PRSS3: variants seen among roughly 807,000 people sequenced by gnomAD.
The protein encoded by PRSS3 is serine protease 3, also known as trypsin-3.
PRSS3 carries 14 observed loss-of-function variants against 20.8 expected under a neutral mutation model. That is an observed-to-expected ratio of 0.67 (90% CI 0.44 to 1.05). The LOEUF is 1.05. PRSS3 is among the 50% of genes least tolerant of loss of function. PRSS3 has a pLI of 0.00. For missense variants in PRSS3, 237 were observed against 306.4 expected (o/e 0.77, Z 1.69); for synonymous variants, 91 against 117.6 (o/e 0.77, Z 1.46).
intron 1 of PRSS3, among the ~76,000 whole-genome samples, chr9:33,778,126 T>A (rs1315441480): frequency 6.6e-6 from 1 of 152,012 alleles, no homozygotes; most frequent in African/African-American, 2.4e-5. Context: ...ATAGAAAAAA[T>A]TTGGTAAAAT....
chr9:33,769,714 G>A (rs1823598527), intron 1 of PRSS3, among the ~76,000 whole-genome samples: 1 of 152,212 alleles, frequency 6.6e-6, no homozygotes, highest in African/African-American at 2.4e-5. Flanking sequence ...CAGGACTGGT[G>A]CCATTTCCTT....
chr9:33,789,951 A>G (rs1198453938), intron 1 of PRSS3, among the ~76,000 whole-genome samples: 1 of 152,216 alleles, frequency 6.6e-6, no homozygotes, highest in South Asian at 2.1e-4. Flanking sequence ...GTGAGTTTTT[A>G]AATGTAGGGT....
chr9:33,750,733 A>AC lies in PRSS3; in HGVS notation c.-53+7dup. 1 of 1,431,472 alleles carries AC rather than the reference A, an allele frequency of 7.0e-7. No homozygotes were observed. The highest frequency in any genetic ancestry group is 9.1e-7 in the Non-Finnish European group (1 of 1,097,234). The allele number at this position is 1,431,472 out of a possible 1,614,324, so 88.7% of individuals were successfully genotyped here. A position where few individuals can be genotyped will look rare whatever the true frequency, so the allele number is the denominator to read the frequency against. On this transcript the variant is annotated splice_region_variant and intron_variant, in intron 1 of 5. Transcript: ENST00000342836. This position sits in a 1 kb window ranked among gnomAD's most constrained non-coding sequence, Gnocchi z 4.8. ...CTGCGAGGCGCTGGGCACAGGTCAG[A>AC]CGTCAGTACCCGCAGGGGGCTTGAA...
upstream of PRSS3, among the ~76,000 whole-genome samples, chr9:33,791,292 A>G (rs1171155276): frequency 7.2e-5 from 11 of 152,172 alleles, no homozygotes; most frequent in Admixed American, 1.3e-4. Context: ...AAGGTTCTCA[A>G]TTGGAATTGT....
At chr9:33,798,791 A>G in intron 4 of PRSS3, 169 bp downstream of exon 4, 1 of 1,199,796 alleles carries the variant, frequency 8.3e-7, no homozygotes, top group Non-Finnish European at 1.2e-6. Flanking sequence ...GCCCCCATGG[A>G]GAAACGAGGA....
chr9:33,759,322 C>T (rs1470081299), intron 1 of PRSS3, among the ~76,000 whole-genome samples: 1 of 151,810 alleles, frequency 6.6e-6, no homozygotes, highest in Admixed American at 6.6e-5. Flanking sequence ...TGACTGGCTG[C>T]GGGGTGGAAG....
At chr9:33,787,901 C>G (rs1033471706) in intron 1 of PRSS3, among the ~76,000 whole-genome samples, 34 of 152,178 alleles carry the variant, frequency 2.2e-4, no homozygotes, top group African/African-American at 8.0e-4. Context: ...TACACACAGG[C>G]AGCAAGGGAA....
intron 1 of PRSS3, among the ~76,000 whole-genome samples, chr9:33,758,481 G>A (rs1823049622): frequency 6.6e-6 from 1 of 152,122 alleles, no homozygotes; most frequent in Non-Finnish European, 1.5e-5. Flanking sequence ...AAACTCCCAG[G>A]GACCTGGAGA....
At chr9:33,784,619 G>C (rs1824310530) in intron 1 of PRSS3, among the ~76,000 whole-genome samples, 1 of 152,150 alleles carries the variant, frequency 6.6e-6, no homozygotes, top group Non-Finnish European at 1.5e-5. Flanking sequence ...CCTTTAATGT[G>C]GTAGTACTAA....
intron 1 of PRSS3, chr9:33,786,426 T>TG (rs36090508): frequency 1.5e-6 from 1 of 683,258 alleles, no homozygotes; most frequent in Non-Finnish European, 2.6e-6. Context: ...GGCAGTGCCC[T>TG]GGGGTCCTTT....
At chr9:33,757,192 C>T (rs1446403215) in intron 1 of PRSS3, among the ~76,000 whole-genome samples, 2 of 149,708 alleles carry the variant, frequency 1.3e-5, no homozygotes, top group African/African-American at 4.8e-5. Context: ...GGAAATGTGT[C>T]CTTGACTCTG....
chr9:33,769,375 C>T (rs993836041), intron 1 of PRSS3, among the ~76,000 whole-genome samples: 9 of 152,138 alleles, frequency 5.9e-5, no homozygotes, highest in Non-Finnish European at 1.3e-4. Context: ...CTCAGCAAGT[C>T]GGGAACAGAG....
intron 1 of PRSS3, among the ~76,000 whole-genome samples, chr9:33,761,631 G>C (rs1252934180): frequency 6.6e-6 from 1 of 151,894 alleles, no homozygotes; most frequent in Non-Finnish European, 1.5e-5. Context: ...GCTTGAACCC[G>C]GGAGGTGGAG....
chr9:33,795,747 C>T, intron 1 of PRSS3, 134 bp downstream of exon 1: 9 of 1,145,654 alleles, frequency 7.9e-6, no homozygotes, highest in Non-Finnish European at 1.2e-5. Flanking sequence ...ATCTCCTTCC[C>T]ATCCTCCTTG....
chr9:33,772,541 A>G (rs1385173002), intron 1 of PRSS3, among the ~76,000 whole-genome samples: 1 of 152,186 alleles, frequency 6.6e-6, no homozygotes, highest in Non-Finnish European at 1.5e-5. Context: ...AAGAATTTTA[A>G]TTATACTAAT....
At chr9:33,755,412 T>C (rs1439177258) in intron 1 of PRSS3, among the ~76,000 whole-genome samples, 1 of 152,154 alleles carries the variant, frequency 6.6e-6, no homozygotes, top group Non-Finnish European at 1.5e-5. Flanking sequence ...TACCATATCC[T>C]AAATAGCATG....
At chr9:33,794,153 TCTAGCCCCCTGGCC>T (rs1242597859), upstream of PRSS3, among the ~76,000 whole-genome samples, 2 of 152,256 alleles carry the variant, frequency 1.3e-5, no homozygotes, top group Non-Finnish European at 2.9e-5. Flanking sequence ...GCTTCCTCCC[TCTAGCCCCCTGGCC>T]ATGTCCGATC....
chr9:33,763,223 C>T (rs1227786562), intron 1 of PRSS3, among the ~76,000 whole-genome samples: 4 of 152,204 alleles, frequency 2.6e-5, no homozygotes, highest in Admixed American at 2.6e-4. Flanking sequence ...CTAACTCAGC[C>T]TTCCTCAGGC....
At chr9:33,757,662 G>C (rs777514233) in intron 1 of PRSS3, among the ~76,000 whole-genome samples, 2 of 152,062 alleles carry the variant, frequency 1.3e-5, no homozygotes, top group Non-Finnish European at 2.9e-5. Flanking sequence ...CAAACTCCCT[G>C]ACAGCACGGG....
Sources: allele counts gnomAD v4.1 joint callset (sites outside exome capture counted in the v4.1 genomes callset), GRCh38; gene constraint gnomAD v4.1.1; non-coding constraint Gnocchi (gnomAD v3.1); transcripts MANE v1.5; gene names NCBI Gene and HGNC (gene_info 2026-07-23, HGNC 2026-07-21).